RBFOX1: variants seen among roughly 807,000 people sequenced by gnomAD.
RBFOX1 encodes RNA binding fox-1 homolog 1.
RBFOX1 carries 8 observed loss-of-function variants against 57.7 expected under a neutral mutation model. The observed-to-expected ratio is 0.14, with a 90% CI of 0.08 to 0.25. The LOEUF is 0.25. RBFOX1 is among the 10% of genes least tolerant of loss of function. The pLI is 1.00. For synonymous variants in RBFOX1, 326 were observed against 222.4 expected (o/e 1.47, Z -4.15); for missense variants, 611 against 548.5 (o/e 1.11, Z -1.14).
At chr16:7,497,864 A>G (rs921532204) in intron 4 of RBFOX1, among the ~76,000 whole-genome samples, 2 of 152,220 alleles carry the variant, frequency 1.3e-5, no homozygotes, top group African/African-American at 2.4e-5. Flanking sequence ...GACCTCACAC[A>G]CAGCGAATGT....
At chr16:6,825,927 C>T (rs62017677) in intron 3 of RBFOX1, among the ~76,000 whole-genome samples, 15,534 of 152,160 alleles carry the variant, frequency 0.1, 1,016 homozygotes, top group East Asian at 0.32. Flanking sequence ...AATTCAAATC[C>T]TGGTTGTACC....
chr16:6,997,685 C>G (rs925993901), intron 3 of RBFOX1, among the ~76,000 whole-genome samples: 1 of 152,104 alleles, frequency 6.6e-6, no homozygotes, highest in Non-Finnish European at 1.5e-5. Flanking sequence ...TGAAACTGAA[C>G]AGAAGAAAAC....
At chr16:7,172,237 C>T (rs1011633428) in intron 4 of RBFOX1, among the ~76,000 whole-genome samples, 3 of 152,244 alleles carry the variant, frequency 2.0e-5, no homozygotes, top group South Asian at 4.1e-4. Context: ...ACATACTCTT[C>T]AATAAATTTA....
At position 5,410,971 on chromosome 16, in the gene RBFOX1, C is replaced by T. The variant is rs79797135; in HGVS notation, c.220-56245C>T. ...TGAAAGCACTTGTTTCAAAGGTTGGCGTGAAGATTAGGCGGGCCAACACAA... is the reference window on the plus strand; with the variant it reads ...TGAAAGCACTTGTTTCAAAGGTTGGTGTGAAGATTAGGCGGGCCAACACAA... On this transcript the variant is annotated intron_variant, in intron 1 of 2. Transcript: ENST00000585867. Among the ~76,000 whole-genome samples, 580 of 152,292 alleles carry T rather than the reference C, an allele frequency of 3.8e-3. 9 individuals are homozygous for T. The highest frequency in any genetic ancestry group is 0.013 in the African/African-American group (561 of 41,570).
At chr16:6,666,678 G>A (rs551142976) in intron 3 of RBFOX1, among the ~76,000 whole-genome samples, 8 of 152,128 alleles carry the variant, frequency 5.3e-5, no homozygotes, top group Non-Finnish European at 1.0e-4. Context: ...TGCTTCACAG[G>A]AAGAAGAAAA....
chr16:7,049,331 A>T (rs954282352), intron 3 of RBFOX1, among the ~76,000 whole-genome samples: 11 of 152,140 alleles, frequency 7.2e-5, no homozygotes, highest in Admixed American at 3.3e-4. Context: ...ACCTCTTGAG[A>T]CCACAGTCCT....
chr16:5,368,039 C>T (rs1330281549), intron 1 of RBFOX1, among the ~76,000 whole-genome samples: 1 of 152,136 alleles, frequency 6.6e-6, no homozygotes, highest in Non-Finnish European at 1.5e-5. Context: ...GGCAAGGTGG[C>T]CATAGTTGGA....
chr16:6,946,911 G>A (rs997733821), intron 3 of RBFOX1, among the ~76,000 whole-genome samples: 1 of 152,158 alleles, frequency 6.6e-6, no homozygotes, highest in Non-Finnish European at 1.5e-5. Flanking sequence ...ATCCAGCCCA[G>A]AAACCTTTCA....
Position 6,843,292 on chromosome 16 carries a change from G to T in RBFOX1, c.-16+188642G>T, listed in dbSNP as rs922434608. On this transcript the variant is annotated intron_variant, in intron 3 of 15. Transcript: ENST00000550418. ...GTTAGCCAAGGAAGGATGTCACACAGAGTGGCCATGGTGGTCTTCTGGAGC... is the reference window on the plus strand; with the variant it reads ...GTTAGCCAAGGAAGGATGTCACACATAGTGGCCATGGTGGTCTTCTGGAGC... Among the ~76,000 whole-genome samples, 3 of 152,140 alleles carry T rather than the reference G, an allele frequency of 2.0e-5. No homozygotes were observed. In the East Asian group the frequency reaches 5.8e-4, roughly 29 times the overall value.
At chr16:5,845,403 A>T (rs2056730224) in intron 3 of RBFOX1, among the ~76,000 whole-genome samples, 1 of 152,138 alleles carries the variant, frequency 6.6e-6, no homozygotes, top group Non-Finnish European at 1.5e-5. Context: ...CATCCAGCCC[A>T]GGGAATATTG....
intron 3 of RBFOX1, among the ~76,000 whole-genome samples, chr16:6,688,617 T>A (rs1171135282): frequency 6.6e-6 from 1 of 152,136 alleles, no homozygotes; most frequent in Non-Finnish European, 1.5e-5. Flanking sequence ...AACCAGCCAT[T>A]TGACCTGCAG....
chr16:6,968,148 G>T (rs569807351), intron 3 of RBFOX1, among the ~76,000 whole-genome samples: 1 of 152,230 alleles, frequency 6.6e-6, no homozygotes, highest in African/African-American at 2.4e-5. Flanking sequence ...GCTAGACTCG[G>T]CCTCAGGGTG....
At chr16:7,164,674 A>C (rs1233570615) in intron 4 of RBFOX1, among the ~76,000 whole-genome samples, 1 of 152,238 alleles carries the variant, frequency 6.6e-6, no homozygotes, top group Non-Finnish European at 1.5e-5. Flanking sequence ...TGACATTTCA[A>C]AATCGTGTGC....
intron 4 of RBFOX1, among the ~76,000 whole-genome samples, chr16:7,149,349 C>G (rs577747404): frequency 2.2e-4 from 34 of 152,236 alleles, no homozygotes; most frequent in Non-Finnish European, 4.6e-4. Flanking sequence ...GGTTTTATCT[C>G]TCAATAATCA....
chr16:6,539,665 G>A (rs1184170484), intron 2 of RBFOX1, among the ~76,000 whole-genome samples: 1 of 152,036 alleles, frequency 6.6e-6, no homozygotes, highest in Non-Finnish European at 1.5e-5. Flanking sequence ...ATGCCTGGTG[G>A]CCAGCACCTG....
At chr16:5,723,098 A>G (rs952568711) in intron 3 of RBFOX1, among the ~76,000 whole-genome samples, 5 of 152,300 alleles carry the variant, frequency 3.3e-5, no homozygotes, top group African/African-American at 7.2e-5. Flanking sequence ...CAGGTTTGCC[A>G]TTATCTTCCT....
intron 3 of RBFOX1, among the ~76,000 whole-genome samples, chr16:6,708,123 C>G (rs777984408): frequency 6.6e-6 from 1 of 152,144 alleles, no homozygotes; most frequent in Non-Finnish European, 1.5e-5. Flanking sequence ...GTTTACTACC[C>G]ACAGACACCT....
intron 1 of RBFOX1, among the ~76,000 whole-genome samples, chr16:6,060,261 C>A (rs191380719): frequency 9.9e-4 from 149 of 150,702 alleles, no homozygotes; most frequent in African/African-American, 3.5e-3. Context: ...CTCTTCTTAG[C>A]CACAATTTGG....
At chr16:6,870,066 C>G (rs1313362106) in intron 3 of RBFOX1, among the ~76,000 whole-genome samples, 1 of 152,098 alleles carries the variant, frequency 6.6e-6, no homozygotes, top group Non-Finnish European at 1.5e-5. Flanking sequence ...AATTGTTAAA[C>G]TGACAATTTA....
Sources: gnomAD v4.1 joint callset for allele counts (sites outside exome capture counted in the v4.1 genomes callset) on GRCh38, gnomAD v4.1.1 for gene constraint, MANE v1.5 for transcripts, NCBI Gene and HGNC (gene_info 2026-07-23, HGNC 2026-07-21) for gene names.